CDH12: variants seen among roughly 807,000 people sequenced by gnomAD.
CDH12 encodes cadherin-12.
In CDH12, 41 loss-of-function variants were observed where a neutral mutation model predicts 74.1. The observed-to-expected ratio is 0.55, with a 90% CI of 0.43 to 0.72. The LOEUF is 0.72. Among genes scored for constraint, CDH12 ranks in the 30% least tolerant of loss-of-function variants. CDH12 has a pLI of 0.00. For missense variants in CDH12, 945 were observed against 977.2 expected, an observed-to-expected ratio of 0.97 and a Z score of 0.44; for synonymous variants, 399 against 355.0, an observed-to-expected ratio of 1.12 and a Z score of -1.39.
At chr5:22,664,856 A>G (rs1740532154) in intron 1 of CDH12, among the ~76,000 whole-genome samples, 2 of 152,186 alleles carry the variant, frequency 1.3e-5, no homozygotes, top group Admixed American at 1.3e-4. Flanking sequence ...AATTTATTAT[A>G]TTTCATTTGA....
chr5:22,805,271 G>A (rs1355443442), intron 1 of CDH12, among the ~76,000 whole-genome samples: 2 of 151,982 alleles, frequency 1.3e-5, no homozygotes, highest in Non-Finnish European at 2.9e-5. Context: ...AAAATACTAT[G>A]CAATATGAAG....
chr5:22,078,634 A>G lies in CDH12; in HGVS notation c.43T>C (p.Phe15Leu). The change falls in exon 5 of 15, where the codon TTT becomes CTT. Residue 15 changes from phenylalanine (F) to leucine (L), a missense_variant. Transcript: ENST00000382254. Reference protein sequence around the residue: ...NCLSLLLWVLFDGGLLTPLQP... With the variant: ...NCLSLLLWVLLDGGLLTPLQP... ...AGTGGTGTTAGGAGACCTCCATCAA[A>G]CAGAACCCAGAGAAGCAGGGATAAA... 6.2e-7 allele frequency: 1 copy of G among 1,613,870 alleles called. No homozygotes were observed. The highest frequency in any genetic ancestry group is 8.5e-7 in the Non-Finnish European group (1 of 1,179,812).
chr5:22,343,321 CACAGAGAGAGAGAG>C (rs1403162828), intron 3 of CDH12, among the ~76,000 whole-genome samples: 2 of 124,214 alleles, frequency 1.6e-5, no homozygotes, highest in African/African-American at 7.4e-5. Flanking sequence ...CAGACACACA[CACAGAGAGAGAGAG>C]AGAGAGAGAG....
rs374909036 is a variant in CDH12, at chr5:21,751,736, C to T, written c.*1G>A. On this transcript the variant is annotated 3_prime_UTR_variant, in exon 15 of 15. Coordinates refer to ENST00000382254, the MANE Select transcript of CDH12 (RefSeq NM_004061.5). ...GTTGTATTTTAGCCTCCACGACTCCCTTAAGTGACTTTATCAGGGTTATAA... is the reference window on the plus strand; with the variant it reads ...GTTGTATTTTAGCCTCCACGACTCCTTTAAGTGACTTTATCAGGGTTATAA... 4 of 1,608,686 alleles carry T rather than the reference C, an allele frequency of 2.5e-6. No homozygotes were observed. The highest frequency in any genetic ancestry group is 3.4e-5 in the Admixed American group (2 of 59,216).
At chr5:22,016,165 G>A (rs1737595281) in intron 5 of CDH12, among the ~76,000 whole-genome samples, 1 of 152,010 alleles carries the variant, frequency 6.6e-6, no homozygotes, top group Non-Finnish European at 1.5e-5. Flanking sequence ...ATTAGGAAAC[G>A]GAGAACATCA....
At chr5:21,945,308 C>T (rs923705532) in intron 6 of CDH12, among the ~76,000 whole-genome samples, 5 of 151,520 alleles carry the variant, frequency 3.3e-5, no homozygotes, top group Admixed American at 6.6e-5. Flanking sequence ...TGCCTGTAAT[C>T]CCAGCTACTT....
intron 1 of CDH12, among the ~76,000 whole-genome samples, chr5:22,534,925 T>C (rs576639668): frequency 1.4e-4 from 21 of 149,020 alleles, no homozygotes; most frequent in African/African-American, 5.1e-4. Context: ...TAATATATTT[T>C]ATAAAATATA....
At chr5:21,972,851 AT>A (rs1277514126) in intron 6 of CDH12, among the ~76,000 whole-genome samples, 1 of 151,986 alleles carries the variant, frequency 6.6e-6, no homozygotes, top group Non-Finnish European at 1.5e-5. Flanking sequence ...ACTTGGACTA[AT>A]TCATACCATG....
chr5:22,106,289 C>G (rs1561117121), intron 4 of CDH12, among the ~76,000 whole-genome samples: 1 of 152,048 alleles, frequency 6.6e-6, no homozygotes, highest in Non-Finnish European at 1.5e-5. Flanking sequence ...GTTAAAAAAA[C>G]AAGATTTCTC....
chr5:22,780,801 G>A (rs1747351102), intron 1 of CDH12, among the ~76,000 whole-genome samples: 1 of 152,024 alleles, frequency 6.6e-6, no homozygotes, highest in Non-Finnish European at 1.5e-5. Flanking sequence ...GTGATCTATA[G>A]ACAAATATTT....
At chr5:21,824,959 G>C (rs1049939709) in intron 8 of CDH12, among the ~76,000 whole-genome samples, 1 of 152,038 alleles carries the variant, frequency 6.6e-6, no homozygotes, top group Non-Finnish European at 1.5e-5. Context: ...TTCGAGACCG[G>C]CCTGGCCAAC....
At chr5:22,010,242 G>T (rs1737223358) in intron 5 of CDH12, among the ~76,000 whole-genome samples, 1 of 152,218 alleles carries the variant, frequency 6.6e-6, no homozygotes, top group Non-Finnish European at 1.5e-5. Context: ...TTAAGCTAAT[G>T]AAACTAATTA....
At chr5:22,593,009 G>A (rs1580798541) in intron 1 of CDH12, among the ~76,000 whole-genome samples, 1 of 137,294 alleles carries the variant, frequency 7.3e-6, no homozygotes, top group African/African-American at 2.7e-5. Context: ...TAGCCTGAGT[G>A]ACAGAGAGAG....
intron 4 of CDH12, among the ~76,000 whole-genome samples, chr5:22,184,858 A>G (rs1186364975): frequency 6.6e-6 from 1 of 152,122 alleles, no homozygotes; most frequent in Non-Finnish European, 1.5e-5. Context: ...TCATTTTTTT[A>G]AAAAACTTTT....
At chr5:21,999,175 T>C (rs946585317) in intron 5 of CDH12, among the ~76,000 whole-genome samples, 2 of 152,120 alleles carry the variant, frequency 1.3e-5, no homozygotes, top group African/African-American at 4.8e-5. Context: ...GACTTACCAA[T>C]TTTTCTTCAA....
intron 6 of CDH12, among the ~76,000 whole-genome samples, chr5:21,951,519 A>T (rs1452150876): frequency 6.6e-6 from 1 of 152,230 alleles, no homozygotes; most frequent in African/African-American, 2.4e-5. Context: ...AAGTGCTGGG[A>T]TTACAGGCGT....
chr5:22,199,625 C>T (rs1750810737), intron 4 of CDH12, among the ~76,000 whole-genome samples: 1 of 152,238 alleles, frequency 6.6e-6, no homozygotes, highest in South Asian at 2.1e-4. Context: ...AACAAAATGG[C>T]TTAGCATCCC....
At chr5:21,924,989 C>G (rs1310897158) in intron 6 of CDH12, among the ~76,000 whole-genome samples, 6 of 152,084 alleles carry the variant, frequency 3.9e-5, no homozygotes, top group African/African-American at 1.4e-4. Context: ...TAATTTGATC[C>G]AGAATTCAGA....
At chr5:22,818,687 T>C (rs1318799966) in intron 1 of CDH12, among the ~76,000 whole-genome samples, 1 of 152,070 alleles carries the variant, frequency 6.6e-6, no homozygotes, top group East Asian at 1.9e-4. Context: ...TGGAGAGAGA[T>C]TAAGCAAGGC....
Sources: allele counts gnomAD v4.1 joint callset (sites outside exome capture counted in the v4.1 genomes callset), GRCh38; gene constraint gnomAD v4.1.1; transcripts MANE v1.5; gene names NCBI Gene and HGNC (gene_info 2026-07-23, HGNC 2026-07-21).